PCDHA11: variants seen among roughly 807,000 people sequenced by gnomAD.
PCDHA11 encodes the protein protocadherin alpha 11.
PCDHA11 carries 61 observed loss-of-function variants against 70.3 expected under a neutral mutation model. The observed-to-expected ratio is 0.87, with a 90% CI of 0.71 to 1.07. The LOEUF (loss-of-function observed/expected upper bound fraction) is 1.07, where lower values mean the gene tolerates loss of function less well. Ranked by LOEUF, PCDHA11 falls within the 50% of genes least tolerant of loss-of-function variation. The pLI is 0.00. For missense variants in PCDHA11, 1,324 were observed against 1,237.5 expected (o/e 1.07, Z -1.05); for synonymous variants, 633 against 555.1 (o/e 1.14, Z -1.97).
chr5:140,976,267 T>C (rs115616483), intron 1 of PCDHA11, among the ~76,000 whole-genome samples: 1,952 of 152,234 alleles, frequency 0.013, 51 homozygotes, highest in African/African-American at 0.045. Flanking sequence ...ACACAGACTT[T>C]TGGCAAGGCA....
At chr5:140,894,141 C>G (rs552932940) in intron 1 of PCDHA11, among the ~76,000 whole-genome samples, 169 of 152,150 alleles carry the variant, frequency 1.1e-3, no homozygotes, top group African/African-American at 3.9e-3. Context: ...AAATAATTCC[C>G]TTCTATGTAA....
chr5:141,007,915 A>G (rs561873534), intron 3 of PCDHA11, among the ~76,000 whole-genome samples: 5 of 152,308 alleles, frequency 3.3e-5, no homozygotes, highest in South Asian at 2.1e-4. Flanking sequence ...TGAAGATGCT[A>G]TATAAGCTGG....
At chr5:141,003,510 A>C (rs1468305070) in intron 3 of PCDHA11, among the ~76,000 whole-genome samples, 1 of 152,070 alleles carries the variant, frequency 6.6e-6, no homozygotes, top group African/African-American at 2.4e-5. Context: ...ATGGGGTTTC[A>C]CCATGTTCCC....
intron 1 of PCDHA11, chr5:140,882,721 A>G: frequency 6.2e-7 from 1 of 1,614,170 alleles, no homozygotes; most frequent in East Asian, 2.2e-5. Context: ...CGGAAACTCG[A>G]TTTCCACTAG....
Position 140,869,005 on chromosome 5 carries a change from G to C in PCDHA11, c.-99G>C. The C allele has an allele frequency of 6.6e-7, 1 of 1,521,546 alleles. No individual in the cohort carries two copies. Among genetic ancestry groups the C allele is most frequent in the Non-Finnish European group, 8.8e-7 (1 of 1,138,516 alleles). 94.3% of individuals were successfully genotyped at this position (1,521,546 alleles called of 1,614,324 possible). On this transcript the variant is annotated 5_prime_UTR_variant, in exon 1 of 4. Transcript: ENST00000398640. The stretch of plus-strand genomic sequence containing the variant: ...GGATGCCACCGTTTAAGGATCCTTT[G>C]AAACTTCTTAAGAATTCAACGAGAT...
chr5:140,923,305 G>A (rs552769255), intron 1 of PCDHA11, among the ~76,000 whole-genome samples: 3 of 152,304 alleles, frequency 2.0e-5, no homozygotes, highest in South Asian at 2.1e-4. Context: ...GGGCGTGGGG[G>A]CGCTTGGCCT....
Position 141,000,361 on chromosome 5 carries a change from G to GTCTCTCTC in PCDHA11, c.2540-9238_2540-9231dup, listed in dbSNP as rs148596731. 4.9e-4 allele frequency among the ~76,000 whole-genome samples: 13 copies of GTCTCTCTC among 26,444 alleles called. No individual in the cohort carries two copies. In the East Asian group the frequency reaches 6.3e-3, roughly 13 times the overall value. The allele number at this position is 26,444 out of a possible 152,430, so 17.3% of individuals were successfully genotyped here. A position where few individuals can be genotyped will look rare whatever the true frequency, so the allele number is the denominator to read the frequency against. ...CCTATCTCTCTCTCTGTCTCTCTCT[G>GTCTCTCTC]TCTCTCTCTCTCTCTCTCTCTCTCT... is the stretch of plus-strand genomic sequence containing the variant. On this transcript the variant is annotated intron_variant, in intron 3 of 3. Coordinates refer to ENST00000398640, the MANE Select transcript of PCDHA11 (RefSeq NM_018902.5).
intron 1 of PCDHA11, among the ~76,000 whole-genome samples, chr5:140,951,543 C>A (rs246041): frequency 1.3e-5 from 2 of 151,428 alleles, no homozygotes; most frequent in South Asian, 2.1e-4. Flanking sequence ...GAGCAAGGGA[C>A]GGGGGGAAGT....
At chr5:140,876,991 T>C in intron 1 of PCDHA11, 1 of 1,612,564 alleles carries the variant, frequency 6.2e-7, no homozygotes, top group Non-Finnish European at 8.5e-7. Flanking sequence ...ACTGTCGAGC[T>C]ACGTGTCGGT....
At chr5:140,984,471 A>G (rs2153834399) in intron 3 of PCDHA11, among the ~76,000 whole-genome samples, 1 of 152,300 alleles carries the variant, frequency 6.6e-6, no homozygotes, top group Middle Eastern at 3.4e-3. Context: ...CCCCTCTTGT[A>G]TAACCCATTT....
chr5:140,925,254 A>G (rs1554202655), intron 1 of PCDHA11, among the ~76,000 whole-genome samples: 1 of 152,188 alleles, frequency 6.6e-6, no homozygotes, highest in African/African-American at 2.4e-5. Context: ...GGAAACTTTA[A>G]TTCTTGATCT....
chr5:140,936,674 T>C (rs1410690822), intron 1 of PCDHA11, among the ~76,000 whole-genome samples: 6 of 152,228 alleles, frequency 3.9e-5, no homozygotes, highest in African/African-American at 1.4e-4. Context: ...GGACTGTCTA[T>C]TCTGTTTCAT....
chr5:140,887,183 A>G (rs1211270850), intron 1 of PCDHA11, among the ~76,000 whole-genome samples: 2 of 147,766 alleles, frequency 1.4e-5, no homozygotes, highest in African/African-American at 5.0e-5. Flanking sequence ...TGCAAGCTCC[A>G]CCTCCCGGGT....
intron 1 of PCDHA11, chr5:140,875,985 G>C (rs1351463699): frequency 1.8e-5 from 29 of 1,613,832 alleles, no homozygotes; most frequent in Non-Finnish European, 2.3e-5. Context: ...TGACCTATGC[G>C]TTAAGTCTAA....
At chr5:140,900,572 G>A (rs1244478745) in intron 1 of PCDHA11, among the ~76,000 whole-genome samples, 3 of 152,068 alleles carry the variant, frequency 2.0e-5, no homozygotes, top group Non-Finnish European at 4.4e-5. Flanking sequence ...CCACGGCACC[G>A]GCCCATTTTC....
At chr5:140,966,654 T>C in intron 1 of PCDHA11, 1 of 1,185,100 alleles carries the variant, frequency 8.4e-7, no homozygotes, top group Non-Finnish European at 1.1e-6. Flanking sequence ...GCGTGAGCGG[T>C]GGGGGAGCAG....
chr5:140,992,017 C>CTG (rs10602499), intron 3 of PCDHA11, among the ~76,000 whole-genome samples: 19,643 of 145,468 alleles, frequency 0.14, 1,328 homozygotes, highest in East Asian at 0.18. Flanking sequence ...AGAGGTGGCT[C>CTG]TGTGTGTGTG....
chr5:140,872,919 A>G (rs1554166439), intron 1 of PCDHA11, among the ~76,000 whole-genome samples: 1 of 152,176 alleles, frequency 6.6e-6, no homozygotes, highest in Non-Finnish European at 1.5e-5. Flanking sequence ...GTAATGCCTT[A>G]TCTCTAATGT....
chr5:140,877,422 G>A (rs781813282), intron 1 of PCDHA11: 2 of 1,613,784 alleles, frequency 1.2e-6, no homozygotes, highest in Admixed American at 1.7e-5. Context: ...TGCTGGTGCT[G>A]GTGAAGGACC....
Sources: allele counts gnomAD v4.1 joint callset (sites outside exome capture counted in the v4.1 genomes callset), GRCh38; gene constraint gnomAD v4.1.1; transcripts MANE v1.5; gene names NCBI Gene and HGNC (gene_info 2026-07-23, HGNC 2026-07-21).